Variants in FABP1 observed in about 807,000 individuals in gnomAD.
FABP1 encodes fatty acid binding protein 1, also known as fatty acid-binding protein, liver.
FABP1 carries 13 observed loss-of-function variants against 13.7 expected under a neutral mutation model. The observed-to-expected ratio is 0.95, with a 90% CI of 0.62 to 1.51. FABP1 has a LOEUF of 1.51. Among genes scored for constraint, FABP1 ranks in the 40% most tolerant of loss-of-function variants. FABP1 has a pLI of 0.00. For synonymous variants in FABP1, 48 were observed against 59.8 expected, an observed-to-expected ratio of 0.80 and a Z score of 0.91; for missense variants, 140 against 155.7, an observed-to-expected ratio of 0.90 and a Z score of 0.54.
rs1329701154 is a variant in FABP1 at position 88,123,122 on chromosome 2, A to G, written c.334-18T>C. 6.2e-7 allele frequency: 1 copy of G among 1,602,690 alleles called. No individual in the cohort carries two copies. Among genetic ancestry groups the G allele is most frequent in the Non-Finnish European group, 8.5e-7 (1 of 1,175,054 alleles). Reference sequence around the variant, plus strand: ...GTCATGGTCTGAAAGCCAGAAAAGAAATTATGAAGTGTTCATCTGATGTTG... The same window carrying G: ...GTCATGGTCTGAAAGCCAGAAAAGAGATTATGAAGTGTTCATCTGATGTTG... On this transcript the variant is annotated intron_variant, in intron 3 of 3. Transcript: ENST00000295834.
In FABP1 at chr2:88,126,171, C is replaced by T. The variant is rs776920032; in HGVS notation, c.240+5G>A. 1 of 1,599,854 alleles carries T rather than the reference C, an allele frequency of 6.3e-7. No homozygotes were observed. The highest frequency in any genetic ancestry group is 1.7e-5 in the Admixed American group (1 of 59,796). ...GTTCTGACAGCAGAAGGGATGCCCT[C>T]CTACCTTGACTTTCTCCCCTGTCAT... On this transcript the variant is annotated splice_donor_5th_base_variant and intron_variant, in intron 2 of 3. Coordinates refer to ENST00000295834, the MANE Select transcript of FABP1 (RefSeq NM_001443.3).
chr2:88,124,666 A>G (rs1447960842), intron 2 of FABP1, 80 bp from the exon 3 acceptor site: 5 of 1,044,702 alleles, frequency 4.8e-6, no homozygotes, highest in East Asian at 2.4e-5. Context: ...CTTCCTTTGC[A>G]CAGGTCTCAG....
chr2:88,127,471 A>G (rs962927426), intron 1 of FABP1, among the ~76,000 whole-genome samples: 1 of 152,130 alleles, frequency 6.6e-6, no homozygotes, highest in African/African-American at 2.4e-5. Flanking sequence ...GGGGTATTGC[A>G]TATCCCATGG....
chr2:88,126,117 T>C, intron 2 of FABP1, 59 bp downstream of exon 2: 1 of 1,528,774 alleles, frequency 6.5e-7, no homozygotes, highest in Non-Finnish European at 8.9e-7. Flanking sequence ...CCTTGAGGAA[T>C]GAGGTCCCAG....
chr2:88,124,907 G>A (rs1174424467), intron 2 of FABP1, among the ~76,000 whole-genome samples: 1 of 151,956 alleles, frequency 6.6e-6, no homozygotes, highest in Non-Finnish European at 1.5e-5. Flanking sequence ...CTAATGGAGG[G>A]AGGTAGTGGC....
intron 3 of FABP1, chr2:88,123,382 G>C: frequency 2.3e-6 from 1 of 442,180 alleles, no homozygotes; most frequent in South Asian, 3.2e-5. Context: ...GTTATAGCAA[G>C]ACCATCCAAA....
chr2:88,127,876 C>T, intron 1 of FABP1, 75 bp downstream of exon 1: 1 of 1,461,902 alleles, frequency 6.8e-7, no homozygotes, highest in Non-Finnish European at 9.6e-7. Context: ...CATTTGGACC[C>T]TAAATAGCCA....
chr2:88,124,377 G>C (rs1415127050), intron 3 of FABP1, 117 bp downstream of exon 3: 2 of 677,988 alleles, frequency 2.9e-6, no homozygotes, highest in Non-Finnish European at 2.5e-6. Context: ...CAGGAAAGAA[G>C]TTTGGGGGTT....
intron 3 of FABP1, 100 bp downstream of exon 3, chr2:88,124,394 T>C: frequency 1.3e-6 from 1 of 778,836 alleles, no homozygotes; most frequent in Non-Finnish European, 2.1e-6. Context: ...GGTTGGAGGG[T>C]GGAGGGGTGG....
At chr2:88,127,494 C>T (rs1201765740) in intron 1 of FABP1, among the ~76,000 whole-genome samples, 1 of 152,150 alleles carries the variant, frequency 6.6e-6, no homozygotes, top group Non-Finnish European at 1.5e-5. Context: ...AGCACAGTCG[C>T]CTGGCACAGT....
intron 2 of FABP1, among the ~76,000 whole-genome samples, chr2:88,125,474 G>C (rs1675278676): frequency 6.6e-6 from 1 of 152,162 alleles, no homozygotes; most frequent in South Asian, 2.1e-4. Context: ...GGGAGGAGGA[G>C]ACGGGCACCC....
At chr2:88,125,393 G>T (rs1409214518) in intron 2 of FABP1, among the ~76,000 whole-genome samples, 2 of 152,128 alleles carry the variant, frequency 1.3e-5, no homozygotes, top group Non-Finnish European at 2.9e-5. Context: ...AAGCAAACAC[G>T]CCCAGCCCAA....
chr2:88,127,932 C>T lies in FABP1; in HGVS notation c.67+19G>A. The T allele has an allele frequency of 6.2e-7, 1 of 1,613,886 alleles. No homozygotes were observed. On this transcript the variant is annotated intron_variant, in intron 1 of 3. Transcript: ENST00000295834. ...TCACTGATGTGACCCACAGCTTTGC[C>T]TTTCAGTCCAGCACTCACCGATTGC...
At chr2:88,125,734 C>T (rs1018587623) in intron 2 of FABP1, among the ~76,000 whole-genome samples, 2 of 152,202 alleles carry the variant, frequency 1.3e-5, no homozygotes, top group Admixed American at 6.5e-5. Flanking sequence ...GCACCTCCTT[C>T]AAGAAGTCTC....
chr2:88,125,189 G>A (rs1201638281), intron 2 of FABP1, among the ~76,000 whole-genome samples: 4 of 151,972 alleles, frequency 2.6e-5, no homozygotes, highest in Admixed American at 6.6e-5. Context: ...TGGAAGAGAT[G>A]ACAGGAACCC....
At chr2:88,124,631 G>T in intron 2 of FABP1, 45 bp from the exon 3 acceptor site, 1 of 1,426,346 alleles carries the variant, frequency 7.0e-7, no homozygotes, top group Non-Finnish European at 9.8e-7. Context: ...GGTGGTGGGG[G>T]GCAAGAGCCT....
In FABP1 at chr2:88,122,999, G is replaced by C. The variant is rs1558865355; in HGVS notation, c.*55C>G. ...AGAAGACATTTTTTTTTAAAACAAA[G>C]TTCACTTTATTACATTAATTTTACA... On this transcript the variant is annotated 3_prime_UTR_variant, in exon 4 of 4. Coordinates refer to ENST00000295834, the MANE Select transcript of FABP1 (RefSeq NM_001443.3). 2 of 1,454,508 alleles carry C rather than the reference G, an allele frequency of 1.4e-6. No homozygotes were observed. Among genetic ancestry groups the C allele is most frequent in the East Asian group, 2.3e-5 (1 of 43,558 alleles). 90.1% of individuals were successfully genotyped at this position (1,454,508 alleles called of 1,614,324 possible). A position where few individuals can be genotyped will look rare whatever the true frequency, so the allele number is the denominator to read the frequency against.
At position 88,126,292 on chromosome 2, in the gene FABP1, C is replaced by T. The variant is rs1803563; in HGVS notation, c.124G>A (p.Val42Met). Residue 42 changes from valine to methionine, a missense_variant, in exon 2 of 4, where the codon GTG (valine) becomes ATG (methionine). Transcript: ENST00000295834. ...GKDIKGVSEIVQNGKHFKFTI... is the reference protein window; with the variant it reads ...GKDIKGVSEIMQNGKHFKFTI... ...AACTTGAAGTGCTTCCCATTCTGCA[C>T]GATTTCCGACACCCCCTTGATATCC... The T allele has an allele frequency of 2.4e-4, 380 of 1,614,010 alleles. 2 individuals are homozygous for T. Among genetic ancestry groups the T allele is most frequent in the East Asian group, 9.6e-4 (43 of 44,872 alleles).
At chr2:88,125,989 A>C in intron 2 of FABP1, 187 bp downstream of exon 2, 2 of 559,586 alleles carry the variant, frequency 3.6e-6, no homozygotes, top group Non-Finnish European at 6.2e-6. Flanking sequence ...GTCCCTGGGA[A>C]GAGGAGAGCA....
Sources: allele counts gnomAD v4.1 joint callset (sites outside exome capture counted in the v4.1 genomes callset), GRCh38; gene constraint gnomAD v4.1.1; transcripts MANE v1.5; gene names NCBI Gene and HGNC (gene_info 2026-07-23, HGNC 2026-07-21).